ASTN2: variants seen among roughly 807,000 people sequenced by gnomAD.
The protein encoded by ASTN2 is astrotactin-2.
In ASTN2, 54 loss-of-function variants were observed where a neutral mutation model predicts 139.8. That is an observed-to-expected ratio of 0.39 (90% CI 0.31 to 0.48). The LOEUF (loss-of-function observed/expected upper bound fraction) is 0.48, where lower values mean the gene tolerates loss of function less well. Ranked by LOEUF, ASTN2 falls within the 20% of genes least tolerant of loss-of-function variation. ASTN2 has a pLI of 0.95. For synonymous variants in ASTN2, 756 were observed against 719.5 expected, an observed-to-expected ratio of 1.05 and a Z score of -0.81; for missense variants, 1,565 against 1,725.1, an observed-to-expected ratio of 0.91 and a Z score of 1.64.
At chr9:117,298,739 T>C (rs964324331) in intron 1 of ASTN2, among the ~76,000 whole-genome samples, 2 of 149,910 alleles carry the variant, frequency 1.3e-5, no homozygotes, top group African/African-American at 2.5e-5. Context: ...TGTGTATATA[T>C]ATATATCTTA....
chr9:116,648,803 G>A (rs1041079039), intron 17 of ASTN2, among the ~76,000 whole-genome samples: 1 of 152,078 alleles, frequency 6.6e-6, no homozygotes, highest in African/African-American at 2.4e-5. Context: ...GGAGGCTGAG[G>A]CGAGCAGATT....
chr9:116,778,674 C>T (rs1830145298), intron 13 of ASTN2, among the ~76,000 whole-genome samples: 1 of 152,172 alleles, frequency 6.6e-6, no homozygotes, highest in South Asian at 2.1e-4. Context: ...TGCACCCATC[C>T]TTGTCAAAAT....
chr9:116,669,302 A>G (rs949716629), intron 16 of ASTN2, among the ~76,000 whole-genome samples: 1 of 152,208 alleles, frequency 6.6e-6, no homozygotes, highest in African/African-American at 2.4e-5. Context: ...CTTTGGACAC[A>G]CTGCCTATGG....
intron 10 of ASTN2, among the ~76,000 whole-genome samples, chr9:116,864,581 G>A (rs1832971511): frequency 6.6e-6 from 1 of 152,140 alleles, no homozygotes; most frequent in Admixed American, 6.6e-5. Context: ...CCCGAAATAA[G>A]AGATACATTT....
intron 10 of ASTN2, among the ~76,000 whole-genome samples, chr9:116,950,718 A>G (rs970496029): frequency 3.3e-5 from 5 of 151,910 alleles, no homozygotes; most frequent in Admixed American, 6.6e-5. Context: ...GTCTAGAATT[A>G]CCTCTTTCTC....
intron 13 of ASTN2, among the ~76,000 whole-genome samples, chr9:116,784,894 A>C (rs1276368096): frequency 6.9e-6 from 1 of 144,872 alleles, no homozygotes; most frequent in East Asian, 2.0e-4. Flanking sequence ...GCACCATTGC[A>C]CTCCAGCCTG....
At chr9:116,653,377 T>C (rs1858031126) in intron 16 of ASTN2, among the ~76,000 whole-genome samples, 1 of 152,236 alleles carries the variant, frequency 6.6e-6, no homozygotes. Flanking sequence ...TTATTTCTTT[T>C]ATAGGCTGGC....
At chr9:116,914,578 TA>T (rs1834394535) in intron 10 of ASTN2, among the ~76,000 whole-genome samples, 1 of 145,120 alleles carries the variant, frequency 6.9e-6, no homozygotes, top group Non-Finnish European at 1.5e-5. Flanking sequence ...ATTATTTATA[TA>T]TATTTTTTTT....
rs548845459 is a variant in ASTN2, at chr9:116,447,983, C to T, written c.3498-5430G>A. ...AGAATGAAACCAAGAAGTTAATTGG[C>T]AGTGAGAGCTTCTCACAGATCTGAC... On this transcript the variant is annotated intron_variant, in intron 20 of 22. Coordinates refer to ENST00000313400, the MANE Select transcript of ASTN2 (RefSeq NM_001365068.1). 1.8e-4 allele frequency among the ~76,000 whole-genome samples: 27 copies of T among 152,258 alleles called. No individual in the cohort carries two copies. In the East Asian group the frequency reaches 4.7e-3, roughly 26 times the overall value.
At chr9:116,550,105 T>G (rs986928965) in intron 19 of ASTN2, among the ~76,000 whole-genome samples, 7 of 152,306 alleles carry the variant, frequency 4.6e-5, no homozygotes, top group Admixed American at 2.0e-4. Context: ...ATTCTCTCTC[T>G]TCTACAACTC....
chr9:116,898,466 C>T (rs907600774), intron 10 of ASTN2, among the ~76,000 whole-genome samples: 2 of 151,376 alleles, frequency 1.3e-5, no homozygotes, highest in African/African-American at 2.4e-5. Flanking sequence ...GAACCTACTT[C>T]GCAAATAACT....
intron 3 of ASTN2, among the ~76,000 whole-genome samples, chr9:117,202,113 TG>T (rs1299435981): frequency 1.3e-5 from 2 of 152,350 alleles, no homozygotes; most frequent in East Asian, 3.9e-4. Context: ...TTGTCTTTTT[TG>T]ATCTTTGTTG....
At chr9:117,374,006 T>C (rs1235055671) in intron 1 of ASTN2, among the ~76,000 whole-genome samples, 1 of 152,136 alleles carries the variant, frequency 6.6e-6, no homozygotes, top group Admixed American at 6.6e-5. Flanking sequence ...GTCATATTGA[T>C]CTTTTAGACA....
Position 117,230,396 on chromosome 9 carries a change from A to C in ASTN2, c.631-15654T>G, listed in dbSNP as rs543169714. On this transcript the variant is annotated intron_variant, in intron 2 of 22. Coordinates refer to ENST00000313400, the MANE Select transcript of ASTN2 (RefSeq NM_001365068.1). Reference sequence around the variant, plus strand: ...TCATTCCAATCTGTCTCCATCTTCAAATCACCTTCTTCTCCCCTGTGTCTC... The same window carrying C: ...TCATTCCAATCTGTCTCCATCTTCACATCACCTTCTTCTCCCCTGTGTCTC... 1.3e-4 allele frequency among the ~76,000 whole-genome samples: 20 copies of C among 152,160 alleles called. 3 individuals carry two copies. Among genetic ancestry groups the C allele is most frequent in the African/African-American group, 4.8e-4 (20 of 41,534 alleles).
intron 3 of ASTN2, among the ~76,000 whole-genome samples, chr9:117,187,177 T>C (rs1238937352): frequency 5.3e-5 from 8 of 152,100 alleles, no homozygotes; most frequent in South Asian, 2.1e-4. Flanking sequence ...GAGAACACAG[T>C]GTGGTGCATG....
intron 16 of ASTN2, among the ~76,000 whole-genome samples, chr9:116,674,982 G>A (rs548237815): frequency 1.8e-4 from 28 of 152,166 alleles, no homozygotes; most frequent in South Asian, 1.0e-3. Flanking sequence ...TGCAATTCCC[G>A]TCTTGATGAA....
rs570443935 is a variant in ASTN2 at position 116,536,170 on chromosome 9, C to T, written c.3356-48670G>A. Among the ~76,000 whole-genome samples the T allele has an allele frequency of 3.7e-4, 56 of 152,004 alleles. No homozygotes were observed. The Middle Eastern group carries it at 0.01, about 28-fold the overall frequency. On this transcript the variant is annotated intron_variant, in intron 19 of 22. Coordinates refer to ENST00000313400, the MANE Select transcript of ASTN2 (RefSeq NM_001365068.1). ...AATCGGCTACTGAAGCTTGTGCATT[C>T]GTCACGTAGTTATCGTGCCATGGTT...
At position 117,024,416 on chromosome 9, in the gene ASTN2, A is replaced by C. The variant is rs74308293; in HGVS notation, c.1423+15403T>G. Among the ~76,000 whole-genome samples the C allele has an allele frequency of 4.9e-3, 584 of 119,304 alleles. 5 individuals are homozygous for C. The highest frequency in any genetic ancestry group is 0.019 in the African/African-American group (510 of 26,184). The allele number at this position is 119,304 out of a possible 152,430, so 78.3% of individuals were successfully genotyped here. ...AGATGTCTCAGAATTGTTTTTTTTTAAAAAGTTATTGTTAAAAGTATCCTG... is the reference window on the plus strand; with the variant it reads ...AGATGTCTCAGAATTGTTTTTTTTTCAAAAGTTATTGTTAAAAGTATCCTG... On this transcript the variant is annotated intron_variant, in intron 6 of 22. Coordinates refer to ENST00000313400, the MANE Select transcript of ASTN2 (RefSeq NM_001365068.1).
intron 19 of ASTN2, among the ~76,000 whole-genome samples, chr9:116,575,464 C>T (rs1481676528): frequency 6.6e-6 from 1 of 152,060 alleles, no homozygotes; most frequent in African/African-American, 2.4e-5. Flanking sequence ...ATCCAGACCA[C>T]CTTAAATTCT....
Sources: gnomAD v4.1 joint callset for allele counts (sites outside exome capture counted in the v4.1 genomes callset) on GRCh38, gnomAD v4.1.1 for gene constraint, MANE v1.5 for transcripts, NCBI Gene and HGNC (gene_info 2026-07-23, HGNC 2026-07-21) for gene names.